CNTN6: variants seen among roughly 807,000 people sequenced by gnomAD.
The protein encoded by CNTN6 is contactin-6.
Under a neutral mutation model 122.8 loss-of-function variants are expected in CNTN6, and 137 were observed. The ratio of observed to expected loss-of-function variants is 1.12; its 90% confidence interval spans 0.97 to 1.29. The LOEUF (loss-of-function observed/expected upper bound fraction) is 1.29, where lower values mean the gene tolerates loss of function less well. Among genes scored for constraint, CNTN6 ranks in the 50% most tolerant of loss-of-function variants. CNTN6 has a pLI of 0.00. For missense variants in CNTN6, 1,634 were observed against 1,223.4 expected (o/e 1.34, Z -5.01); for synonymous variants, 570 against 426.0 (o/e 1.34, Z -4.16).
In CNTN6 at chr3:1,373,743, T is replaced by C. The variant is rs2126144468; in HGVS notation, c.1926T>C (p.Gly642=). The change falls in exon 15 of 23, where the codon GGT becomes GGC. Residue 642 remains glycine, a synonymous_variant. Transcript: ENST00000446702. The stretch of plus-strand genomic sequence containing the variant: ...AGACTCGGACACCATTTTCTGTGGG[T>C]TGGCAGGCTGTTGCTACAGGTGAGT... ...TIQTRTPFSV[G]WQAVATVPEI... is the part of the protein sequence containing the mutation. 1.2e-6 allele frequency: 2 copies of C among 1,609,384 alleles called. No homozygotes were observed. The highest frequency in any genetic ancestry group is 4.5e-5 in the East Asian group (2 of 44,752).
rs141852966 is a variant in CNTN6, at chr3:1,401,457, T to C, written c.2729T>C (p.Ile910Thr). ...KSPPSQPPAN[I>T]AWKLTNSKLC... ...GCTCCAAGCCAACCACCAGCAAACA[T>C]TGCCTGGAAGCTGACAAACTCTAAA... Residue 910 changes from isoleucine to threonine, a missense_variant, in exon 21 of 23, where the codon ATT becomes ACT. Ile to Thr is a moderately conservative substitution (Grantham distance 89). Transcript: ENST00000446702. 9.9e-6 allele frequency: 16 copies of C among 1,611,780 alleles called. No homozygotes were observed. Among genetic ancestry groups the C allele is most frequent in the African/African-American group, 1.3e-5 (1 of 74,802 alleles).
At chr3:1,161,559 A>C (rs2093133112) in intron 2 of CNTN6, among the ~76,000 whole-genome samples, 1 of 151,924 alleles carries the variant, frequency 6.6e-6, no homozygotes, top group Non-Finnish European at 1.5e-5. Flanking sequence ...ATTTATATGC[A>C]CACAAATATA....
Position 1,245,232 on chromosome 3 carries a change from ATATACACAC to A in CNTN6, c.358+17240_358+17248del, listed in dbSNP as rs1559595815. 9.1e-4 allele frequency among the ~76,000 whole-genome samples: 12 copies of A among 13,190 alleles called. 1 individual carries two copies. The highest frequency in any genetic ancestry group is 5.3e-3 in the African/African-American group (12 of 2,250). 8.7% of individuals were successfully genotyped at this position (13,190 alleles called of 152,430 possible). On this transcript the variant is annotated intron_variant, in intron 4 of 22. Transcript: ENST00000446702. ...TATATATATATATATATATATATATATATACACACACACATATATATATAACATATATAT... is the reference window on the plus strand; with the variant it reads ...TATATATATATATATATATATATATAACACATATATATATAACATATATAT...
chr3:1,245,928 C>CA lies in CNTN6; in HGVS notation c.358+17942dup, dbSNP rs1164597199. 1.5e-4 allele frequency among the ~76,000 whole-genome samples: 23 copies of CA among 151,388 alleles called. No individual in the cohort carries two copies. The East Asian group carries it at 4.5e-3, about 30-fold the overall frequency. On this transcript the variant is annotated intron_variant, in intron 4 of 22. Coordinates refer to ENST00000446702, the MANE Select transcript of CNTN6 (RefSeq NM_001289080.2). Reference sequence around the variant, plus strand: ...AGCTGATGAGCTAAAAAAAAAATTGCAAAAAAATCTCATAACGTTTTAAGA... The same window carrying CA: ...AGCTGATGAGCTAAAAAAAAAATTGCAAAAAAAATCTCATAACGTTTTAAGA...
chr3:1,380,930 C>A (rs1296347908), intron 17 of CNTN6, among the ~76,000 whole-genome samples: 1 of 152,134 alleles, frequency 6.6e-6, no homozygotes, highest in African/African-American at 2.4e-5. Context: ...AACACTGTCT[C>A]CACTTAAAGA....
chr3:1,114,733 C>A (rs552400811), intron 1 of CNTN6, among the ~76,000 whole-genome samples: 1 of 152,268 alleles, frequency 6.6e-6, no homozygotes, highest in South Asian at 2.1e-4. Context: ...TGAGCAAAGA[C>A]ATTTTTTTTG....
At position 1,142,966 on chromosome 3, in the gene CNTN6, GTGTA is replaced by G. The variant is rs1401522633; in HGVS notation, c.-82-4959_-82-4956del. ...GATACATATAAATTTGTGTGTGTGT[GTGTA>G]TATATATATATATATATATATATAT... is the stretch of plus-strand genomic sequence containing the variant. On this transcript the variant is annotated intron_variant, in intron 1 of 22. Transcript: ENST00000446702. Among the ~76,000 whole-genome samples, 879 of 96,528 alleles carry G rather than the reference GTGTA, an allele frequency of 9.1e-3. 8 individuals are homozygous for G. The highest frequency in any genetic ancestry group is 0.032 in the African/African-American group (742 of 23,426). 63.3% of individuals were successfully genotyped at this position (96,528 alleles called of 152,430 possible). A position where few individuals can be genotyped will look rare whatever the true frequency, so the allele number is the denominator to read the frequency against.
intron 1 of CNTN6, among the ~76,000 whole-genome samples, chr3:1,098,818 A>ATATATATATATATATATG (rs1425501757): frequency 7.2e-6 from 1 of 139,510 alleles, no homozygotes; most frequent in Non-Finnish European, 1.5e-5. Context: ...ATATATATAT[A>ATATATATATATATATATG]GTGGGAAATT....
Position 1,100,051 on chromosome 3 carries a change from T to C in CNTN6, c.-83+6931T>C, listed in dbSNP as rs550240018. Among the ~76,000 whole-genome samples the C allele has an allele frequency of 8.7e-4, 132 of 152,288 alleles. 3 individuals are homozygous for C. In the South Asian group the frequency reaches 0.025, roughly 29 times the overall value. On this transcript the variant is annotated intron_variant, in intron 1 of 22. Transcript: ENST00000446702. ...TGCTCATATTTGCACTATTTATTTTTAAACTGCCCCCAATATTTTTGTCAA... is the reference window on the plus strand; with the variant it reads ...TGCTCATATTTGCACTATTTATTTTCAAACTGCCCCCAATATTTTTGTCAA...
chr3:1,144,959 G>A (rs1027761180), intron 1 of CNTN6, among the ~76,000 whole-genome samples: 5 of 152,076 alleles, frequency 3.3e-5, no homozygotes, highest in Non-Finnish European at 7.3e-5. Context: ...CGGAGGATTG[G>A]GTATTTTAAA....
chr3:1,295,922 C>A, intron 6 of CNTN6, 118 bp downstream of exon 6: 1 of 807,204 alleles, frequency 1.2e-6, no homozygotes. Flanking sequence ...AGTTTAGGTT[C>A]AATTCACAAA....
chr3:1,397,457 A>C (rs1576099703), intron 20 of CNTN6, among the ~76,000 whole-genome samples: 1 of 152,126 alleles, frequency 6.6e-6, no homozygotes, highest in South Asian at 2.1e-4. Flanking sequence ...TAGTATTATT[A>C]AACAAATATC....
chr3:1,346,128 C>A (rs949371357), intron 11 of CNTN6, among the ~76,000 whole-genome samples: 1 of 152,026 alleles, frequency 6.6e-6, no homozygotes, highest in Non-Finnish European at 1.5e-5. Context: ...ATGTACAGAT[C>A]TGTTTTCTGT....
At chr3:1,377,392 T>A (rs1170639300) in intron 17 of CNTN6, among the ~76,000 whole-genome samples, 2 of 152,140 alleles carry the variant, frequency 1.3e-5, no homozygotes, top group African/African-American at 4.8e-5. Flanking sequence ...TGTGGCACTG[T>A]TGTATTGTGA....
chr3:1,249,066 G>T (rs2094621865), intron 4 of CNTN6, among the ~76,000 whole-genome samples: 1 of 152,190 alleles, frequency 6.6e-6, no homozygotes, highest in Non-Finnish European at 1.5e-5. Flanking sequence ...AGGTAACACT[G>T]ATGGTGCTGC....
intron 1 of CNTN6, among the ~76,000 whole-genome samples, chr3:1,107,586 T>A (rs2091284911): frequency 6.6e-6 from 1 of 152,134 alleles, no homozygotes. Flanking sequence ...GTAAAATGGC[T>A]CTGAATTTTA....
At chr3:1,144,498 C>G (rs1033712610) in intron 1 of CNTN6, among the ~76,000 whole-genome samples, 3 of 151,710 alleles carry the variant, frequency 2.0e-5, no homozygotes, top group African/African-American at 7.3e-5. Context: ...TCACTTGATC[C>G]CAAAAGGCAG....
At chr3:1,190,853 C>T (rs1253371912) in intron 2 of CNTN6, among the ~76,000 whole-genome samples, 5 of 152,100 alleles carry the variant, frequency 3.3e-5, no homozygotes, top group Non-Finnish European at 5.9e-5. Flanking sequence ...TTTCCCAAAG[C>T]AATTTATTAC....
At chr3:1,219,419 G>T (rs2094174975) in intron 2 of CNTN6, among the ~76,000 whole-genome samples, 1 of 152,172 alleles carries the variant, frequency 6.6e-6, no homozygotes, top group African/African-American at 2.4e-5. Context: ...GCAAGACAAT[G>T]GGATCAGTGT....
Sources: gnomAD v4.1 joint callset for allele counts (sites outside exome capture counted in the v4.1 genomes callset) on GRCh38, gnomAD v4.1.1 for gene constraint, MANE v1.5 for transcripts, NCBI Gene and HGNC (gene_info 2026-07-23, HGNC 2026-07-21) for gene names.